GPD2: variants seen among roughly 807,000 people sequenced by gnomAD.
The protein encoded by GPD2 is glycerol-3-phosphate dehydrogenase 2, also known as glycerol-3-phosphate dehydrogenase, mitochondrial.
A neutral mutation model predicts 82.4 loss-of-function variants in GPD2; 54 were observed. The observed-to-expected ratio is 0.66, with a 90% confidence interval of 0.53 to 0.82. GPD2 has a LOEUF of 0.82. Ranked by LOEUF, GPD2 falls within the 40% of genes least tolerant of loss-of-function variation. The probability of loss-of-function intolerance (pLI) is 0.00; values close to 1 mark genes in which losing one functional copy is unlikely to be tolerated. For missense variants in GPD2, 748 were observed against 896.2 expected (o/e 0.83, Z 2.11); for synonymous variants, 288 against 306.1 (o/e 0.94, Z 0.62).
chr2:156,459,685 T>G (rs1682916362), intron 1 of GPD2, among the ~76,000 whole-genome samples: 1 of 468 alleles, frequency 2.1e-3, no homozygotes, highest in African/African-American at 4.9e-3. Context: ...AGACTCCGTC[T>G]CAAAAAAAAA....
At chr2:156,549,576 C>T in intron 6 of GPD2, 32 bp from the exon 7 acceptor site, 2 of 1,607,422 alleles carry the variant, frequency 1.2e-6, no homozygotes, top group Non-Finnish European at 1.7e-6. Context: ...GAGGTGACTC[C>T]TCTCCCTCCC....
rs1034620143 is a variant in GPD2, at chr2:156,579,125, A to G, written c.1920A>G (p.Lys640=). ...TTCATAAGTTTGATGCAGACCAGAAAGGCTTTATTACCATTGTTGATGTTC... is the reference window on the plus strand; with the variant it reads ...TTCATAAGTTTGATGCAGACCAGAAGGGCTTTATTACCATTGTTGATGTTC... ...KRFHKFDADQ[K]GFITIVDVQR... is the part of the protein sequence containing the mutation. Residue 640 remains lysine (K), a synonymous_variant, in exon 15 of 17, where the codon AAA becomes AAG. Coordinates refer to ENST00000438166, the MANE Select transcript of GPD2 (RefSeq NM_000408.5). 5.6e-6 allele frequency: 9 copies of G among 1,609,002 alleles called. No homozygotes were observed. The highest frequency in any genetic ancestry group is 6.8e-6 in the Non-Finnish European group (8 of 1,175,658).
the GPD2 span, among the ~76,000 whole-genome samples, chr2:156,400,447 C>T: frequency 1.3e-5 from 2 of 152,170 alleles, no homozygotes; most frequent in African/African-American, 4.8e-5. Flanking sequence ...GTGCCAGCTC[C>T]GGCAGGCATT....
intron 2 of GPD2, among the ~76,000 whole-genome samples, chr2:156,487,480 A>T (rs1683988536): frequency 6.6e-6 from 1 of 152,222 alleles, no homozygotes; most frequent in Non-Finnish European, 1.5e-5. Flanking sequence ...TAGAGGCCCA[A>T]GTGACCTATA....
intron 3 of GPD2, among the ~76,000 whole-genome samples, chr2:156,498,364 C>G (rs1684462059): frequency 6.6e-6 from 1 of 152,162 alleles, no homozygotes; most frequent in Non-Finnish European, 1.5e-5. Context: ...GACACTGAAA[C>G]ATGAGGGTAG....
intron 13 of GPD2, among the ~76,000 whole-genome samples, chr2:156,573,206 C>G (rs1338395160): frequency 6.6e-6 from 1 of 152,038 alleles, no homozygotes; most frequent in East Asian, 1.9e-4. Flanking sequence ...TAAAATTTAC[C>G]CCCATGTTAT....
intron 6 of GPD2, among the ~76,000 whole-genome samples, chr2:156,521,798 CAT>C (rs1558940611): frequency 6.6e-6 from 1 of 152,146 alleles, no homozygotes; most frequent in Non-Finnish European, 1.5e-5. Flanking sequence ...TGATTTAAAA[CAT>C]ATTTGCTTTT....
At chr2:156,484,204 G>A (rs36012397) in intron 2 of GPD2, among the ~76,000 whole-genome samples, 48,104 of 151,426 alleles carry the variant, frequency 0.32, 9,150 homozygotes, top group Non-Finnish European at 0.44. Context: ...GCGGGATCTC[G>A]GCTCACTGCA....
chr2:156,430,903 G>C (rs1190932764), upstream of GPD2, among the ~76,000 whole-genome samples: 1 of 152,242 alleles, frequency 6.6e-6, no homozygotes, highest in Non-Finnish European at 1.5e-5. Context: ...TGTCTTAGTA[G>C]CAGGTAGCCT....
At chr2:156,408,850 T>C in the GPD2 span, among the ~76,000 whole-genome samples, 12 of 151,946 alleles carry the variant, frequency 7.9e-5, no homozygotes, top group Admixed American at 7.9e-4. Context: ...AAAATGTGCA[T>C]GTTGAAGTAA....
intron 3 of GPD2, among the ~76,000 whole-genome samples, chr2:156,496,708 T>C (rs183756527): frequency 0.028 from 4,220 of 152,198 alleles, 98 homozygotes; most frequent in Non-Finnish European, 0.045. Flanking sequence ...TTTATTAATT[T>C]GTTCTGGTTT....
intron 3 of GPD2, among the ~76,000 whole-genome samples, chr2:156,510,524 G>A (rs770548108): frequency 5.9e-5 from 9 of 152,182 alleles, no homozygotes; most frequent in South Asian, 2.1e-4. Flanking sequence ...GTGCACCAGA[G>A]TATGTTACTG....
At chr2:156,527,405 C>T (rs566897473) in intron 6 of GPD2, among the ~76,000 whole-genome samples, 1 of 152,096 alleles carries the variant, frequency 6.6e-6, no homozygotes, top group Non-Finnish European at 1.5e-5. Context: ...TTAATACTTA[C>T]TCATATCACA....
At chr2:156,572,376 A>T (rs976821150) in intron 13 of GPD2, among the ~76,000 whole-genome samples, 5 of 152,112 alleles carry the variant, frequency 3.3e-5, no homozygotes, top group Non-Finnish European at 5.9e-5. Flanking sequence ...CTTGTGTTGA[A>T]GTGAATTCAA....
chr2:156,416,460 G>T, the GPD2 span, among the ~76,000 whole-genome samples: 1 of 149,278 alleles, frequency 6.7e-6, no homozygotes. Flanking sequence ...GTATCCCCTT[G>T]CCTCAGTCTC....
chr2:156,429,039 C>T, the GPD2 span, among the ~76,000 whole-genome samples: 4 of 152,206 alleles, frequency 2.6e-5, no homozygotes, highest in African/African-American at 9.7e-5. Context: ...GACATAAATC[C>T]TGTCTGTTGC....
chr2:156,409,397 C>G, the GPD2 span, among the ~76,000 whole-genome samples: 3 of 152,092 alleles, frequency 2.0e-5, no homozygotes, highest in Non-Finnish European at 4.4e-5. Context: ...CTAAACACAA[C>G]AATAATAGTA....
At chr2:156,403,304 T>C in the GPD2 span, among the ~76,000 whole-genome samples, 2 of 152,144 alleles carry the variant, frequency 1.3e-5, no homozygotes, top group African/African-American at 2.4e-5. Context: ...CAAATTGATC[T>C]GAGGTGTGCT....
intron 9 of GPD2, among the ~76,000 whole-genome samples, chr2:156,563,949 T>G (rs1330541754): frequency 6.6e-6 from 1 of 152,158 alleles, no homozygotes; most frequent in Non-Finnish European, 1.5e-5. Flanking sequence ...AACCACATGC[T>G]ACTAATGGCT....
Sources: allele counts gnomAD v4.1 joint callset (sites outside exome capture counted in the v4.1 genomes callset), GRCh38; gene constraint gnomAD v4.1.1; transcripts MANE v1.5; gene names NCBI Gene and HGNC (gene_info 2026-07-23, HGNC 2026-07-21).